The following NUTF2 variants were observed in gnomAD, a reference collection of about 807,000 sequenced individuals.
The protein encoded by NUTF2 is placental protein 15.
Under a neutral mutation model 18.5 loss-of-function variants are expected in NUTF2, and 3 were observed. The ratio of observed to expected loss-of-function variants is 0.16; its 90% CI spans 0.07 to 0.42. NUTF2 has a LOEUF of 0.42. Among genes scored for constraint, NUTF2 ranks in the 10% least tolerant of loss-of-function variants. NUTF2 has a pLI of 0.99. For synonymous variants in NUTF2, 51 were observed against 57.9 expected (o/e 0.88, Z 0.54); for missense variants, 44 against 160.7 (o/e 0.27, Z 3.93).
At chr16:67,863,585 G>A (rs1316161562) in intron 1 of NUTF2, among the ~76,000 whole-genome samples, 1 of 152,142 alleles carries the variant, frequency 6.6e-6, no homozygotes, top group African/African-American at 2.4e-5. Context: ...CACAACCACC[G>A]GCACTGTCAG....
At chr16:67,856,196 TG>T in intron 1 of NUTF2, 3 of 294,298 alleles carry the variant, frequency 1.0e-5, no homozygotes, top group Non-Finnish European at 6.5e-6. Context: ...AGTTTTTTTT[TG>T]TTGTTGTTGT....
chr16:67,865,642 G>A (rs1354558755), intron 2 of NUTF2, among the ~76,000 whole-genome samples: 1 of 152,110 alleles, frequency 6.6e-6, no homozygotes, highest in African/African-American at 2.4e-5. Flanking sequence ...GAATGCTCAT[G>A]GAAAACAAAT....
rs540809036 is a variant in NUTF2, at chr16:67,857,421, C to T, written c.-29-7681C>T. ...CAGGTGACAGCCCCAGGAAAGGATTCTGTCTTGGCCAGCCATCTGGGCTGA... is the reference window on the plus strand; with the variant it reads ...CAGGTGACAGCCCCAGGAAAGGATTTTGTCTTGGCCAGCCATCTGGGCTGA... On this transcript the variant is annotated intron_variant, in intron 1 of 4. Coordinates refer to ENST00000219169, the MANE Select transcript of NUTF2 (RefSeq NM_005796.3). 9.2e-5 allele frequency among the ~76,000 whole-genome samples: 14 copies of T among 152,304 alleles called. 1 individual carries two copies. The highest frequency in any genetic ancestry group is 6.8e-3 in the Middle Eastern group (2 of 294).
intron 2 of NUTF2, among the ~76,000 whole-genome samples, chr16:67,867,894 G>A (rs905148304): frequency 6.6e-6 from 1 of 152,102 alleles, no homozygotes; most frequent in Non-Finnish European, 1.5e-5. Flanking sequence ...CACCATGTTG[G>A]TCAGGCTGGT....
chr16:67,851,861 T>G (rs1008273546), intron 1 of NUTF2, among the ~76,000 whole-genome samples: 1 of 150,862 alleles, frequency 6.6e-6, no homozygotes, highest in Admixed American at 6.6e-5. Context: ...ACTAAAAATA[T>G]GAAAATTAGC....
chr16:67,865,560 G>A (rs759161213), intron 2 of NUTF2, among the ~76,000 whole-genome samples: 33 of 152,166 alleles, frequency 2.2e-4, no homozygotes, highest in Admixed American at 2.0e-3. Context: ...CAGCAGCCAT[G>A]AGCATCCTCA....
chr16:67,847,949 C>T (rs903839680), intron 1 of NUTF2: 4 of 152,210 alleles, frequency 2.6e-5, no homozygotes, highest in African/African-American at 7.2e-5. Flanking sequence ...TTTGTGGGGC[C>T]CTCCCGAAGC....
At chr16:67,854,549 A>G (rs1250706329) in intron 1 of NUTF2, among the ~76,000 whole-genome samples, 1 of 152,232 alleles carries the variant, frequency 6.6e-6, no homozygotes, top group Admixed American at 6.5e-5. Context: ...TTAGAATCCA[A>G]TTCAGACCAT....
At chr16:67,853,274 C>G (rs1269179500) in intron 1 of NUTF2, among the ~76,000 whole-genome samples, 1 of 152,166 alleles carries the variant, frequency 6.6e-6, no homozygotes, top group African/African-American at 2.4e-5. Context: ...TCACTGCAGC[C>G]TTGACCTCCT....
At chr16:67,848,588 T>C (rs1329930401) in intron 1 of NUTF2, among the ~76,000 whole-genome samples, 1 of 145,796 alleles carries the variant, frequency 6.9e-6, no homozygotes, top group Non-Finnish European at 1.5e-5. Flanking sequence ...GTCTCCAAAA[T>C]AAAAAAAGCT....
intron 1 of NUTF2, among the ~76,000 whole-genome samples, chr16:67,854,622 A>G (rs1362834287): frequency 1.3e-5 from 2 of 152,176 alleles, no homozygotes; most frequent in African/African-American, 4.8e-5. Flanking sequence ...GAATCCTAAA[A>G]GTTTTCCACA....
chr16:67,867,205 C>G (rs1290463195), intron 2 of NUTF2, among the ~76,000 whole-genome samples: 2 of 152,118 alleles, frequency 1.3e-5, no homozygotes, highest in African/African-American at 4.8e-5. Flanking sequence ...CACCTGACTT[C>G]AAGTGATCTA....
chr16:67,861,277 T>C (rs1163030522), intron 1 of NUTF2, among the ~76,000 whole-genome samples: 1 of 152,240 alleles, frequency 6.6e-6, no homozygotes, highest in East Asian at 1.9e-4. Flanking sequence ...CATAAGCTCT[T>C]TGCACATTTC....
chr16:67,871,027 A>C lies in NUTF2; in HGVS notation c.*114A>C. The stretch of plus-strand genomic sequence containing the variant: ...CACAAATGAGCAGGGCCGCGGTGGG[A>C]GTGGGCGCAGTGCGCTGCTGCCACT... On this transcript the variant is annotated 3_prime_UTR_variant, in exon 5 of 5. Coordinates refer to ENST00000219169, the MANE Select transcript of NUTF2 (RefSeq NM_005796.3). The C allele has an allele frequency of 1.4e-6, 1 of 729,048 alleles. No individual in the cohort carries two copies. Among genetic ancestry groups the C allele is most frequent in the South Asian group, 1.7e-5 (1 of 58,686 alleles). The allele number at this position is 729,048 out of a possible 1,614,324, so 45.2% of individuals were successfully genotyped here. A position where few individuals can be genotyped will look rare whatever the true frequency, so the allele number is the denominator to read the frequency against.
At chr16:67,851,952 C>T (rs978174462) in intron 1 of NUTF2, among the ~76,000 whole-genome samples, 1 of 151,946 alleles carries the variant, frequency 6.6e-6, no homozygotes, top group African/African-American at 2.4e-5. Context: ...GGAGGCGGAG[C>T]TTGCAGTGAG....
chr16:67,863,443 C>T (rs1195257739), intron 1 of NUTF2, among the ~76,000 whole-genome samples: 5 of 143,664 alleles, frequency 3.5e-5, no homozygotes, highest in African/African-American at 1.0e-4. Flanking sequence ...GGATTGGCTG[C>T]GTTCTCACTC....
chr16:67,852,357 T>C (rs949629208), intron 1 of NUTF2, among the ~76,000 whole-genome samples: 2 of 151,578 alleles, frequency 1.3e-5, no homozygotes, highest in African/African-American at 4.8e-5. Context: ...TTTTCTTTTT[T>C]TTTTTTTTTC....
intron 1 of NUTF2, among the ~76,000 whole-genome samples, chr16:67,848,522 G>A (rs1013629087): frequency 6.6e-6 from 1 of 152,126 alleles, no homozygotes; most frequent in Admixed American, 6.6e-5. Context: ...GGTGGAGGTC[G>A]CAGTGAACTG....
chr16:67,850,305 C>T (rs897893157), intron 1 of NUTF2, among the ~76,000 whole-genome samples: 5 of 150,400 alleles, frequency 3.3e-5, no homozygotes, highest in African/African-American at 9.8e-5. Flanking sequence ...CCCGGGTTCA[C>T]GCCATTCTCC....
Sources: allele counts gnomAD v4.1 joint callset (sites outside exome capture counted in the v4.1 genomes callset), GRCh38; gene constraint gnomAD v4.1.1; transcripts MANE v1.5; gene names NCBI Gene and HGNC (gene_info 2026-07-23, HGNC 2026-07-21).